SH3KBP1: variants seen among roughly 807,000 people sequenced by gnomAD.
The protein encoded by SH3KBP1 is SH3 domain-containing kinase-binding protein 1.
A neutral mutation model predicts 50.1 loss-of-function variants in SH3KBP1; 8 were observed. The observed-to-expected ratio is 0.16, with a 90% confidence interval of 0.09 to 0.29. The LOEUF (loss-of-function observed/expected upper bound fraction) is 0.29, where lower values mean the gene tolerates loss of function less well. Ranked by LOEUF, SH3KBP1 falls within the 10% of genes least tolerant of loss-of-function variation. The pLI is 1.00. For missense variants in SH3KBP1, 377 were observed against 535.2 expected (o/e 0.70, Z 2.92); for synonymous variants, 227 against 218.6 (o/e 1.04, Z -0.34).
chrX:19,556,343 G>A (rs985856868), intron 13 of SH3KBP1, among the ~76,000 whole-genome samples: 1 of 108,215 alleles, frequency 9.2e-6, no homozygotes, highest in South Asian at 4.1e-4. Flanking sequence ...CCACAGGGCC[G>A]CAGGTACTTT....
chrX:19,839,676 A>C (rs2068168990), intron 1 of SH3KBP1, among the ~76,000 whole-genome samples: 1 of 112,435 alleles, frequency 8.9e-6, no homozygotes, highest in African/African-American at 3.2e-5. Context: ...CCTTCTGGCC[A>C]CAGCTAGGTC....
intron 13 of SH3KBP1, among the ~76,000 whole-genome samples, chrX:19,552,496 GGGCTGTTAAAGTTTC>G (rs1419043536): frequency 9.1e-6 from 1 of 110,139 alleles, no homozygotes; most frequent in African/African-American, 3.3e-5. Context: ...ATGGAAGAGG[GGGCTGTTAAAGTTTC>G]CAGCAAACAG....
intron 6 of SH3KBP1, among the ~76,000 whole-genome samples, chrX:19,664,316 C>A (rs1333118571): frequency 1.8e-5 from 2 of 111,548 alleles, no homozygotes; most frequent in African/African-American, 6.5e-5. Context: ...TCTAGCCACT[C>A]AATTTCATGC....
chrX:19,546,374 G>T (rs1057341249), intron 14 of SH3KBP1, among the ~76,000 whole-genome samples: 1 of 112,101 alleles, frequency 8.9e-6, no homozygotes, highest in Non-Finnish European at 1.9e-5. Context: ...TGCAAAAGCT[G>T]CAGTGAGCTT....
rs183584784 is a variant in SH3KBP1, at chrX:19,757,481, C to T, written c.163-11040G>A. Among the ~76,000 whole-genome samples the T allele has an allele frequency of 5.1e-4, 56 of 109,028 alleles. 1 individual carries two copies. The highest frequency in any genetic ancestry group is 2.5e-3 in the Admixed American group (25 of 10,144). 94.7% of individuals were successfully genotyped at this position (109,028 alleles called of 115,157 possible). A position where few individuals can be genotyped will look rare whatever the true frequency, so the allele number is the denominator to read the frequency against. ...TGCATATCTGACTGTTCTCCTGCCCCATTTTGTCTATGTTATCTTATGTAA... is the reference window on the plus strand; with the variant it reads ...TGCATATCTGACTGTTCTCCTGCCCTATTTTGTCTATGTTATCTTATGTAA... On this transcript the variant is annotated intron_variant, in intron 2 of 17. Transcript: ENST00000397821.
intron 3 of SH3KBP1, among the ~76,000 whole-genome samples, chrX:19,731,194 C>T (rs181482872): frequency 2.3e-4 from 26 of 112,467 alleles, no homozygotes; most frequent in African/African-American, 8.4e-4. Flanking sequence ...CCGCCTCGGC[C>T]TCCCAAAGTG....
intron 3 of SH3KBP1, among the ~76,000 whole-genome samples, chrX:19,736,900 T>G (rs1176052710): frequency 9.3e-6 from 1 of 107,383 alleles, no homozygotes; most frequent in Non-Finnish European, 1.9e-5. Flanking sequence ...CATCTACCTC[T>G]AATTACTTTT....
At chrX:19,773,468 G>GTCTC (rs549190221) in intron 2 of SH3KBP1, among the ~76,000 whole-genome samples, 10 of 97,841 alleles carry the variant, frequency 1.0e-4, no homozygotes, top group Non-Finnish European at 1.8e-4. Flanking sequence ...TTCAGTCTCT[G>GTCTC]TCTCTCTCTC....
chrX:19,563,985 GT>G (rs1555988683), intron 13 of SH3KBP1, among the ~76,000 whole-genome samples: 1 of 109,125 alleles, frequency 9.2e-6, no homozygotes, highest in South Asian at 3.9e-4. Context: ...ATGGGTTTTT[GT>G]TTTTTTTTAA....
chrX:19,876,026 C>T (rs1368260092), intron 1 of SH3KBP1, among the ~76,000 whole-genome samples: 1 of 112,039 alleles, frequency 8.9e-6, no homozygotes, highest in African/African-American at 3.2e-5. Context: ...ACTATATATA[C>T]AACATGAAAG....
chrX:19,634,122 C>T (rs1219905743), intron 7 of SH3KBP1, among the ~76,000 whole-genome samples: 3 of 66,216 alleles, frequency 4.5e-5, no homozygotes, highest in Admixed American at 1.8e-4. Context: ...GAGAGAGAGA[C>T]GGAGAGACCG....
chrX:19,610,133 C>A (rs1397087085), intron 8 of SH3KBP1, among the ~76,000 whole-genome samples: 2 of 111,861 alleles, frequency 1.8e-5, no homozygotes, highest in Non-Finnish European at 3.8e-5. Flanking sequence ...CTTGAAGTAT[C>A]AAGTTCAGAT....
At chrX:19,625,620 T>A (rs1406582577) in intron 8 of SH3KBP1, among the ~76,000 whole-genome samples, 1 of 111,948 alleles carries the variant, frequency 8.9e-6, no homozygotes, top group Non-Finnish European at 1.9e-5. Context: ...GAAACATAGA[T>A]TTCAAAACGC....
intron 6 of SH3KBP1, among the ~76,000 whole-genome samples, chrX:19,659,917 G>A (rs1444281876): frequency 8.9e-6 from 1 of 112,679 alleles, no homozygotes. Context: ...GAGGAGGACT[G>A]GGTTCTGGTA....
intron 6 of SH3KBP1, among the ~76,000 whole-genome samples, chrX:19,682,047 G>C (rs2063067328): frequency 9.0e-6 from 1 of 110,516 alleles, no homozygotes; most frequent in Non-Finnish European, 1.9e-5. Context: ...CTGAGCGATA[G>C]GAGTGGGAGA....
At chrX:19,633,400 C>T (rs182565736) in intron 7 of SH3KBP1, among the ~76,000 whole-genome samples, 3 of 112,054 alleles carry the variant, frequency 2.7e-5, no homozygotes, top group South Asian at 3.7e-4. Flanking sequence ...TATTCCTAAA[C>T]CCATATAGTT....
chrX:19,603,431 T>C (rs969828630), intron 9 of SH3KBP1, among the ~76,000 whole-genome samples: 3 of 112,050 alleles, frequency 2.7e-5, no homozygotes, highest in Admixed American at 9.4e-5. Flanking sequence ...GGCTGCCTGC[T>C]ACCTGATTAA....
chrX:19,630,716 A>G (rs149956698), intron 8 of SH3KBP1, among the ~76,000 whole-genome samples: 4 of 112,134 alleles, frequency 3.6e-5, no homozygotes, highest in African/African-American at 6.5e-5. Flanking sequence ...CTTTCTCCCT[A>G]AAACTCCTGA....
At chrX:19,716,326 G>A (rs1277906428) in intron 3 of SH3KBP1, among the ~76,000 whole-genome samples, 6 of 112,075 alleles carry the variant, frequency 5.4e-5, no homozygotes, top group African/African-American at 2.0e-4. Context: ...CTGGACTGTT[G>A]CAGTGGAAAT....
Sources: gnomAD v4.1 joint callset for allele counts (sites outside exome capture counted in the v4.1 genomes callset) on GRCh38, gnomAD v4.1.1 for gene constraint, MANE v1.5 for transcripts, NCBI Gene and HGNC (gene_info 2026-07-23, HGNC 2026-07-21) for gene names.